Variants in ADGRL3 observed in about 807,000 individuals in gnomAD.
ADGRL3 encodes adhesion G protein-coupled receptor L3, also known as calcium-independent alpha-latrotoxin receptor 3.
Under a neutral mutation model 153.5 loss-of-function variants are expected in ADGRL3, and 62 were observed. The observed-to-expected ratio is 0.40, with a 90% CI of 0.33 to 0.50. The LOEUF (loss-of-function observed/expected upper bound fraction) is 0.50, where lower values mean the gene tolerates loss of function less well. Ranked by LOEUF, ADGRL3 falls within the 20% of genes least tolerant of loss-of-function variation. ADGRL3 has a pLI of 0.47. For missense variants in ADGRL3, 1,641 were observed against 1,859.4 expected (o/e 0.88, Z 2.16); for synonymous variants, 710 against 672.5 (o/e 1.06, Z -0.86).
intron 1 of ADGRL3, among the ~76,000 whole-genome samples, chr4:61,286,234 T>G (rs1404812211): frequency 2.0e-5 from 3 of 151,474 alleles, no homozygotes; most frequent in Non-Finnish European, 4.4e-5. Flanking sequence ...CTCCATTATT[T>G]GAACCCATAG....
chr4:61,780,644 C>G (rs2097203549), intron 8 of ADGRL3, among the ~76,000 whole-genome samples: 1 of 152,202 alleles, frequency 6.6e-6, no homozygotes, highest in Non-Finnish European at 1.5e-5. Flanking sequence ...TGGATACCTT[C>G]TTCCATCCAT....
chr4:61,684,796 T>C (rs1427668212), intron 6 of ADGRL3, among the ~76,000 whole-genome samples: 1 of 152,158 alleles, frequency 6.6e-6, no homozygotes, highest in Admixed American at 6.6e-5. Context: ...CATTGTATTG[T>C]ATTCTAAAGG....
At position 61,738,729 on chromosome 4, in the gene ADGRL3, A is replaced by G. The variant is rs900338785; in HGVS notation, c.1399+5175A>G. Among the ~76,000 whole-genome samples, 15 of 152,314 alleles carry G rather than the reference A, an allele frequency of 9.8e-5. No individual in the cohort carries two copies. In the South Asian group the frequency reaches 3.1e-3, roughly 32 times the overall value. On this transcript the variant is annotated intron_variant, in intron 8 of 26. Coordinates refer to ENST00000683033, the MANE Select transcript of ADGRL3 (RefSeq NM_001387552.1). The stretch of plus-strand genomic sequence containing the variant: ...ACCTTTTGTTGAGCTACCCAATTGT[A>G]TGACATGTATGTTTGCATTATTTTT...
intron 3 of ADGRL3, among the ~76,000 whole-genome samples, chr4:61,515,193 G>T (rs10029192): frequency 6.6e-6 from 1 of 151,794 alleles, no homozygotes; most frequent in African/African-American, 2.4e-5. Flanking sequence ...ATACCCAGCC[G>T]TTGTGCTATT....
chr4:62,001,717 G>A (rs189292460), intron 21 of ADGRL3, among the ~76,000 whole-genome samples: 98 of 152,208 alleles, frequency 6.4e-4, no homozygotes, highest in Non-Finnish European at 1.1e-3. Flanking sequence ...AAATGGTATA[G>A]TAAATGTGAG....
At chr4:61,708,680 T>G (rs2095900883) in intron 6 of ADGRL3, among the ~76,000 whole-genome samples, 1 of 152,086 alleles carries the variant, frequency 6.6e-6, no homozygotes, top group Non-Finnish European at 1.5e-5. Flanking sequence ...ACAAAAACAA[T>G]AAAAAATTCA....
chr4:61,665,652 A>G (rs144509525), intron 5 of ADGRL3, among the ~76,000 whole-genome samples: 135 of 152,288 alleles, frequency 8.9e-4, no homozygotes, highest in African/African-American at 3.1e-3. Context: ...GCAAAATGAT[A>G]TTATTCTTAT....
intron 17 of ADGRL3, among the ~76,000 whole-genome samples, chr4:61,952,102 G>A (rs2098949314): frequency 1.3e-5 from 2 of 152,046 alleles, no homozygotes; most frequent in Admixed American, 6.6e-5. Context: ...GTAAAAATAG[G>A]GAAAGTATTA....
intron 9 of ADGRL3, among the ~76,000 whole-genome samples, chr4:61,877,292 ATGGTT>A (rs1561402803): frequency 2.0e-5 from 3 of 152,198 alleles, no homozygotes; most frequent in African/African-American, 7.2e-5. Flanking sequence ...GTCTACCTCA[ATGGTT>A]CCCTGCTGTA....
intron 5 of ADGRL3, among the ~76,000 whole-genome samples, chr4:61,637,579 C>T (rs1398679061): frequency 6.6e-6 from 1 of 152,108 alleles, no homozygotes; most frequent in Non-Finnish European, 1.5e-5. Flanking sequence ...GCCTGGCAAA[C>T]ATGGTGAAAC....
intron 1 of ADGRL3, among the ~76,000 whole-genome samples, chr4:61,248,834 C>G (rs1758078151): frequency 6.6e-6 from 1 of 152,160 alleles, no homozygotes; most frequent in Non-Finnish European, 1.5e-5. Context: ...TGAATAGTGT[C>G]TAAATCTGCT....
At chr4:61,646,003 C>G (rs2093961117) in intron 5 of ADGRL3, among the ~76,000 whole-genome samples, 1 of 152,090 alleles carries the variant, frequency 6.6e-6, no homozygotes, top group East Asian at 1.9e-4. Context: ...TCTTTTTTCT[C>G]TAAACTTCCC....
At chr4:61,635,320 A>G (rs906181270) in intron 5 of ADGRL3, among the ~76,000 whole-genome samples, 8 of 152,146 alleles carry the variant, frequency 5.3e-5, no homozygotes, top group African/African-American at 1.4e-4. Context: ...GAGTGACCCA[A>G]TGCATATCTT....
intron 25 of ADGRL3, among the ~76,000 whole-genome samples, chr4:62,047,312 T>C (rs28673687): frequency 0.028 from 4,265 of 152,166 alleles, 208 homozygotes; most frequent in African/African-American, 0.099. Flanking sequence ...CTGTTCATTC[T>C]ACTGGTTAAT....
chr4:61,683,850 G>A (rs1048427243), intron 6 of ADGRL3, among the ~76,000 whole-genome samples: 19 of 152,014 alleles, frequency 1.2e-4, no homozygotes, highest in Non-Finnish European at 1.8e-4. Context: ...GGCTGGTCTC[G>A]AACTCCTAGG....
chr4:61,803,898 A>G (rs71608806), intron 8 of ADGRL3, among the ~76,000 whole-genome samples: 7,614 of 152,186 alleles, frequency 0.05, 257 homozygotes, highest in Non-Finnish European at 0.072. Flanking sequence ...AATGCTTCCT[A>G]TTCTTTGAGT....
rs148833284 is a variant in ADGRL3, at chr4:61,811,199, C to A, written c.1400-2610C>A. ...CATAGAGGCTCAAAGCAGCATTGTT[C>A]ACAATAGTCAAGAAGTGGAAATGAT... On this transcript the variant is annotated intron_variant, in intron 8 of 26. Coordinates refer to ENST00000683033, the MANE Select transcript of ADGRL3 (RefSeq NM_001387552.1). Among the ~76,000 whole-genome samples, 722 of 152,132 alleles carry A rather than the reference C, an allele frequency of 4.7e-3. 7 individuals carry two copies. The highest frequency in any genetic ancestry group is 0.01 in the Middle Eastern group (3 of 294).
intron 6 of ADGRL3, among the ~76,000 whole-genome samples, chr4:61,698,454 AAAC>A (rs567818894): frequency 0.013 from 1,922 of 151,846 alleles, 15 homozygotes; most frequent in African/African-American, 0.033. Flanking sequence ...CATCTCAAAC[AAAC>A]AACAACAACA....
chr4:61,333,919 A>AT lies in ADGRL3; in HGVS notation c.-239-49188dup, dbSNP rs67240071. Reference sequence around the variant, plus strand: ...GCATGAGCCACTGTGCCCTGCCTGTATTTTTTTTTTTTTTTTTAGAAAGTC... The same window carrying AT: ...GCATGAGCCACTGTGCCCTGCCTGTATTTTTTTTTTTTTTTTTTAGAAAGTC... On this transcript the variant is annotated intron_variant, in intron 1 of 26. Transcript: ENST00000683033. 1.5e-3 allele frequency among the ~76,000 whole-genome samples: 204 copies of AT among 138,882 alleles called. 1 individual carries two copies. The highest frequency in any genetic ancestry group is 2.1e-3 in the Non-Finnish European group (136 of 64,326). 91.1% of individuals were successfully genotyped at this position (138,882 alleles called of 152,430 possible). A position where few individuals can be genotyped will look rare whatever the true frequency, so the allele number is the denominator to read the frequency against.
Sources: allele counts gnomAD v4.1 joint callset (sites outside exome capture counted in the v4.1 genomes callset), GRCh38; gene constraint gnomAD v4.1.1; transcripts MANE v1.5; gene names NCBI Gene and HGNC (gene_info 2026-07-23, HGNC 2026-07-21).